Variants in SYT1 observed in about 807,000 individuals in gnomAD.
The protein encoded by SYT1 is synaptotagmin 1, also known as synaptotagmin-1.
SYT1 carries 8 observed loss-of-function variants against 44.8 expected under a neutral mutation model. The ratio of observed to expected loss-of-function variants is 0.18; its 90% confidence interval spans 0.10 to 0.32. The LOEUF is 0.32. Ranked by LOEUF, SYT1 falls within the 10% of genes least tolerant of loss-of-function variation. The probability of loss-of-function intolerance (pLI) is 1.00; values close to 1 mark genes in which losing one functional copy is unlikely to be tolerated. For missense variants in SYT1, 286 were observed against 509.3 expected (o/e 0.56, Z 4.22); for synonymous variants, 154 against 188.8 (o/e 0.82, Z 1.51).
At chr12:78,905,323 G>A (rs950521242) in intron 1 of SYT1, among the ~76,000 whole-genome samples, 2 of 152,082 alleles carry the variant, frequency 1.3e-5, no homozygotes, top group African/African-American at 4.8e-5. Context: ...CATACAATGG[G>A]TTTTGCCATT....
intron 9 of SYT1, among the ~76,000 whole-genome samples, chr12:79,432,575 G>A (rs1445098913): frequency 3.3e-5 from 5 of 152,168 alleles, no homozygotes; most frequent in African/African-American, 1.2e-4. Context: ...GGTTAGGAAG[G>A]GGGTAGCACA....
chr12:78,935,806 T>C (rs2137229663), intron 1 of SYT1, among the ~76,000 whole-genome samples: 1 of 152,212 alleles, frequency 6.6e-6, no homozygotes, highest in South Asian at 2.1e-4. Context: ...ATTTAAGAGC[T>C]ACAAACATAT....
intron 4 of SYT1, among the ~76,000 whole-genome samples, chr12:79,271,210 T>G (rs1878404770): frequency 6.6e-6 from 1 of 152,220 alleles, no homozygotes; most frequent in Admixed American, 6.5e-5. Context: ...AGAAAGATAT[T>G]TGGAGCATTT....
intron 1 of SYT1, among the ~76,000 whole-genome samples, chr12:78,879,758 T>G (rs1018861123): frequency 6.6e-6 from 1 of 151,842 alleles, no homozygotes; most frequent in Non-Finnish European, 1.5e-5. Flanking sequence ...GACTTTCAAG[T>G]CCATGCATTA....
chr12:79,046,512 T>C (rs1485478565), intron 2 of SYT1: 1 of 152,148 alleles, frequency 6.6e-6, no homozygotes, highest in Non-Finnish European at 1.5e-5. Context: ...TCAAACCAAA[T>C]CAGAAATTCC....
At chr12:79,115,181 A>C (rs1750051799) in intron 3 of SYT1, among the ~76,000 whole-genome samples, 1 of 152,180 alleles carries the variant, frequency 6.6e-6, no homozygotes, top group Non-Finnish European at 1.5e-5. Context: ...TTATTAGAAT[A>C]TCATAAAATT....
At chr12:79,188,934 A>G (rs1872955286) in intron 3 of SYT1, among the ~76,000 whole-genome samples, 1 of 145,022 alleles carries the variant, frequency 6.9e-6, no homozygotes, top group South Asian at 2.2e-4. Flanking sequence ...AAAACCAAAG[A>G]TCTGAGTATC....
At chr12:79,427,357 A>G (rs1869510785) in intron 9 of SYT1, among the ~76,000 whole-genome samples, 1 of 152,208 alleles carries the variant, frequency 6.6e-6, no homozygotes, top group African/African-American at 2.4e-5. Context: ...GTGCCCAAGA[A>G]GTCCCCATAA....
At chr12:78,876,158 G>T (rs537517600) in intron 1 of SYT1, among the ~76,000 whole-genome samples, 1 of 151,638 alleles carries the variant, frequency 6.6e-6, no homozygotes, top group Non-Finnish European at 1.5e-5. Flanking sequence ...AAATCATTTT[G>T]TGTCGATTAT....
intron 8 of SYT1, among the ~76,000 whole-genome samples, chr12:79,307,892 A>G (rs1311023674): frequency 3.9e-5 from 6 of 152,200 alleles, no homozygotes; most frequent in Non-Finnish European, 8.8e-5. Flanking sequence ...GTCGGTGAAG[A>G]AAGACAGATG....
intron 4 of SYT1, among the ~76,000 whole-genome samples, chr12:79,255,498 G>C (rs1877463792): frequency 6.6e-6 from 1 of 152,060 alleles, no homozygotes; most frequent in Non-Finnish European, 1.5e-5. Flanking sequence ...TGGTGGTTTG[G>C]AACCAAGCCT....
At chr12:79,217,143 C>T (rs1398175434) in intron 3 of SYT1, among the ~76,000 whole-genome samples, 2 of 152,066 alleles carry the variant, frequency 1.3e-5, no homozygotes, top group Non-Finnish European at 1.5e-5. Context: ...AAGTATAAAG[C>T]ATGTATTTCA....
At chr12:78,972,193 A>G (rs994133062) in intron 1 of SYT1, among the ~76,000 whole-genome samples, 2 of 152,056 alleles carry the variant, frequency 1.3e-5, no homozygotes, top group Non-Finnish European at 2.9e-5. Context: ...GATTCTTCTT[A>G]TGTAAATATC....
chr12:79,265,111 T>G (rs1424521887), intron 4 of SYT1, among the ~76,000 whole-genome samples: 1 of 152,230 alleles, frequency 6.6e-6, no homozygotes, highest in Non-Finnish European at 1.5e-5. Flanking sequence ...CAGGAATTGC[T>G]GACAAATGAT....
chr12:78,974,475 C>T (rs1017679728), intron 1 of SYT1, among the ~76,000 whole-genome samples: 4 of 151,870 alleles, frequency 2.6e-5, no homozygotes, highest in African/African-American at 7.3e-5. Context: ...CTTGCTCTGT[C>T]GCCCAGGCTG....
intron 1 of SYT1, among the ~76,000 whole-genome samples, chr12:78,931,179 A>AAGAAAGAAAG: frequency 1.7e-5 from 1 of 59,842 alleles, no homozygotes; most frequent in Non-Finnish European, 3.0e-5. Flanking sequence ...GAAAGAAAGA[A>AAGAAAGAAAG]AAAGAAAGAA....
At chr12:79,189,433 TGTAAAAC>T (rs1236231792) in intron 3 of SYT1, among the ~76,000 whole-genome samples, 1 of 152,190 alleles carries the variant, frequency 6.6e-6, no homozygotes, top group Non-Finnish European at 1.5e-5. Flanking sequence ...ATTATAGCTA[TGTAAAAC>T]AATTAAAATA....
Position 78,931,179 on chromosome 12 carries a change from A to AAAAGAAAGAAAG in SYT1, c.-216-46569_-216-46558dup, listed in dbSNP as rs1165668920. 5.0e-3 allele frequency among the ~76,000 whole-genome samples: 301 copies of AAAAGAAAGAAAG among 59,818 alleles called. 16 individuals carry two copies. The highest frequency in any genetic ancestry group is 6.7e-3 in the Admixed American group (26 of 3,888). The allele number at this position is 59,818 out of a possible 152,430, so 39.2% of individuals were successfully genotyped here. ...GTCTGTGGAAAGAAAGAAAGAAAGA[A>AAAAGAAAGAAAG]AAAGAAAGAAAGAAAGAAAGAAAGA... is the stretch of plus-strand genomic sequence containing the variant. On this transcript the variant is annotated intron_variant, in intron 1 of 10. Transcript: ENST00000261205.
chr12:78,990,180 T>A lies in SYT1; in HGVS notation c.-84+12249T>A, dbSNP rs1277211034. ...TCTTAGATGCCTGTGAATGCTGCCA[T>A]TCACCAGCAGCCTCTGTGAGAGGGC... On this transcript the variant is annotated intron_variant, in intron 2 of 10. Coordinates refer to ENST00000261205, the MANE Select transcript of SYT1 (RefSeq NM_005639.3). 5.3e-5 allele frequency among the ~76,000 whole-genome samples: 8 copies of A among 152,230 alleles called. No homozygotes were observed. In the East Asian group the frequency reaches 1.5e-3, roughly 29 times the overall value.
Sources: gnomAD v4.1 joint callset for allele counts (sites outside exome capture counted in the v4.1 genomes callset) on GRCh38, gnomAD v4.1.1 for gene constraint, MANE v1.5 for transcripts, NCBI Gene and HGNC (gene_info 2026-07-23, HGNC 2026-07-21) for gene names.